Variants in FRMPD3 observed in about 807,000 individuals in gnomAD.
The protein encoded by FRMPD3 is FERM and PDZ domain containing 3, also known as FERM and PDZ domain-containing protein 3.
In FRMPD3, 42 loss-of-function variants were observed where a neutral mutation model predicts 97.9. That is an observed-to-expected ratio of 0.43 (90% CI 0.34 to 0.55). The LOEUF (loss-of-function observed/expected upper bound fraction) is 0.55. Ranked by LOEUF, FRMPD3 falls within the 20% of genes least tolerant of loss-of-function variation. The pLI, the probability that FRMPD3 is intolerant of heterozygous loss-of-function variation, is 0.03. For synonymous variants in FRMPD3, 577 were observed against 581.1 expected (o/e 0.99, Z 0.10); for missense variants, 1,303 against 1,457.7 (o/e 0.89, Z 1.73).
At position 107,460,821 on chromosome X, in the gene FRMPD3, C is replaced by T. The variant is rs12688495; in HGVS notation, c.-8+10816C>T. ...CAGGGCTGACAAGGGTCCTGTGTGC[C>T]GCACTGGCTCTGTTGCCACCACCGT... On this transcript the variant is annotated intron_variant, in intron 1 of 14. Transcript: ENST00000683843. 3.2e-3 allele frequency among the ~76,000 whole-genome samples: 353 copies of T among 111,272 alleles called. 10 individuals carry two copies. In the East Asian group the frequency reaches 0.084, roughly 26 times the overall value.
chrX:107,520,499 C>A (rs1357938113), intron 1 of FRMPD3, among the ~76,000 whole-genome samples: 9 of 105,142 alleles, frequency 8.6e-5, no homozygotes, highest in African/African-American at 7.1e-5. Context: ...AAAAAAAAAA[C>A]ACACACAAAA....
At chrX:107,595,054 T>G (rs1337908865) in intron 13 of FRMPD3, among the ~76,000 whole-genome samples, 2 of 111,055 alleles carry the variant, frequency 1.8e-5, no homozygotes, top group African/African-American at 6.6e-5. Flanking sequence ...CGGTTGCTCA[T>G]GCCTGTAATC....
At chrX:107,480,923 A>G (rs1006317964) in intron 1 of FRMPD3, among the ~76,000 whole-genome samples, 1 of 107,872 alleles carries the variant, frequency 9.3e-6, no homozygotes, top group Non-Finnish European at 1.9e-5. Context: ...AAAGAAAGAA[A>G]GAAAGAAAGA....
At position 107,550,061 on chromosome X, in the gene FRMPD3, A is replaced by G. The variant is rs1306063341; in HGVS notation, c.415A>G (p.Lys139Glu). The G allele has an allele frequency of 8.4e-7, 1 of 1,191,487 alleles. No individual in the cohort carries two copies. Among genetic ancestry groups the G allele is most frequent in the South Asian group, 1.8e-5 (1 of 55,538 alleles). ...VGETDAKMMK[K>E]EALLLIPNVL... ...TGCTTGTTCACAGAAAATGATGAAG[A>G]AGGAAGCTCTCCTCCTCATCCCTAA... Residue 139 changes from lysine (K) to glutamate (E), a missense_variant, in exon 6 of 15, where the codon AAG becomes GAG. Around this residue, in one of 3 missense-constraint regions of FRMPD3, gnomAD observed 535 missense variants for 618.6 expected, o/e 0.86. Transcript: ENST00000683843.
At chrX:107,496,927 G>A (rs73522807) in intron 1 of FRMPD3, among the ~76,000 whole-genome samples, 2,020 of 112,298 alleles carry the variant, frequency 0.018, 39 homozygotes, top group African/African-American at 0.062. Flanking sequence ...GAAACACAGG[G>A]TGGATTTACC....
At chrX:107,532,220 A>G (rs1923000045) in intron 3 of FRMPD3, among the ~76,000 whole-genome samples, 1 of 112,934 alleles carries the variant, frequency 8.9e-6, no homozygotes, top group Admixed American at 9.3e-5. Flanking sequence ...GCAAAATGCA[A>G]CTAAACAGTA....
chrX:107,572,598 T>C (rs1025510496), intron 12 of FRMPD3, among the ~76,000 whole-genome samples: 1 of 110,674 alleles, frequency 9.0e-6, no homozygotes, highest in Admixed American at 9.7e-5. Context: ...ATTAGTCAGA[T>C]GTGGTGGCAC....
At chrX:107,459,259 A>G (rs1602749840) in intron 1 of FRMPD3, among the ~76,000 whole-genome samples, 1 of 112,403 alleles carries the variant, frequency 8.9e-6, no homozygotes, top group Admixed American at 9.3e-5. Flanking sequence ...CAAGTCCCCC[A>G]AGGCTTCTGA....
intron 13 of FRMPD3, among the ~76,000 whole-genome samples, chrX:107,587,841 C>CTTGG (rs1923729459): frequency 8.9e-6 from 1 of 111,946 alleles, no homozygotes; most frequent in African/African-American, 3.2e-5. Context: ...GTGGCACAGT[C>CTTGG]TTGGCTCACT....
chrX:107,519,943 A>G (rs1311681487), intron 1 of FRMPD3, among the ~76,000 whole-genome samples: 1 of 111,916 alleles, frequency 8.9e-6, no homozygotes, highest in East Asian at 2.8e-4. Flanking sequence ...ACTTTCCAAG[A>G]ATAAATTGAG....
intron 8 of FRMPD3, among the ~76,000 whole-genome samples, chrX:107,556,947 T>A (rs1922108897): frequency 8.9e-6 from 1 of 112,313 alleles, no homozygotes; most frequent in Non-Finnish European, 1.9e-5. Flanking sequence ...CCAGTCTTCG[T>A]ATGGACATAT....
chrX:107,487,365 G>A (rs1468828421), intron 1 of FRMPD3, among the ~76,000 whole-genome samples: 1 of 111,903 alleles, frequency 8.9e-6, no homozygotes, highest in Admixed American at 9.5e-5. Context: ...AACATGGTGA[G>A]GCATAATGGG....
chrX:107,525,543 C>T, intron 1 of FRMPD3: 7 of 555,661 alleles, frequency 1.3e-5, no homozygotes, highest in East Asian at 3.3e-5. Flanking sequence ...TGTAATCTCT[C>T]CCTGGAGTTA....
At position 107,598,003 on chromosome X, in the gene FRMPD3, A is replaced by G. The variant is rs1348469606; in HGVS notation, c.2124A>G (p.Thr708=). 3.0e-5 allele frequency: 36 copies of G among 1,208,573 alleles called. No homozygotes were observed. The highest frequency in any genetic ancestry group is 4.0e-5 in the Non-Finnish European group (36 of 895,036). ...RGLLYDEIPV[T]LIDSVQTRTV... ...TTCTGTACGATGAGATTCCAGTGAC[A>G]TTGATTGACAGTGTGCAGACCCGGA... Residue 708 remains threonine, a synonymous_variant, in exon 14 of 15, where the codon ACA becomes ACG. Coordinates refer to ENST00000683843, the MANE Select transcript of FRMPD3 (RefSeq NM_001388459.1).
intron 14 of FRMPD3, among the ~76,000 whole-genome samples, chrX:107,599,132 G>A (rs1254963331): frequency 1.8e-5 from 2 of 110,414 alleles, no homozygotes; most frequent in African/African-American, 3.3e-5. Context: ...AATTAACTGG[G>A]TGGGCTGGTG....
chrX:107,454,861 G>GT (rs201506631), intron 1 of FRMPD3, among the ~76,000 whole-genome samples: 5,942 of 111,316 alleles, frequency 0.053, 399 homozygotes, highest in African/African-American at 0.19. Flanking sequence ...GAGGGAACTT[G>GT]TTATAATGCA....
intron 1 of FRMPD3, among the ~76,000 whole-genome samples, chrX:107,490,775 G>A (rs1048174086): frequency 8.9e-6 from 1 of 111,861 alleles, no homozygotes; most frequent in Non-Finnish European, 1.9e-5. Context: ...ATGGTAACGT[G>A]TGGAAAGGTG....
Position 107,575,455 on chromosome X carries a change from CT to C in FRMPD3, c.1297-846del, listed in dbSNP as rs771754378. On this transcript the variant is annotated intron_variant, in intron 12 of 14. Coordinates refer to ENST00000683843, the MANE Select transcript of FRMPD3 (RefSeq NM_001388459.1). ...AAAGGAAAGGGGATAGAGCATGACT[CT>C]TTTTTTTTTTTTTAGACGAAGTCTC... Among the ~76,000 whole-genome samples the C allele has an allele frequency of 4.5e-3, 456 of 101,004 alleles. 1 individual carries two copies. The highest frequency in any genetic ancestry group is 4.4e-3 in the Admixed American group (41 of 9,333). The allele number at this position is 101,004 out of a possible 115,157, so 87.7% of individuals were successfully genotyped here. A position where few individuals can be genotyped will look rare whatever the true frequency, so the allele number is the denominator to read the frequency against.
rs1233231905 is a variant in FRMPD3 at position 107,600,889 on chromosome X, T to C, written c.2850T>C (p.Ser950=). Reference sequence around the variant, plus strand: ...AGCTTATCCTCGACCCAAAGAGCAGTGTGACCCCTGCCATCATCTCGGCCG... The same window carrying C: ...AGCTTATCCTCGACCCAAAGAGCAGCGTGACCCCTGCCATCATCTCGGCCG... ...SPKLILDPKS[S]VTPAIISAAL... is the part of the protein sequence containing the mutation. Residue 950 remains serine, a synonymous_variant, in exon 15 of 15, where the codon AGT becomes AGC. Transcript: ENST00000683843. The C allele has an allele frequency of 5.8e-6, 7 of 1,207,568 alleles. No homozygotes were observed. The African/African-American group carries it at 7.0e-5, about 12-fold the overall frequency.
Sources: allele counts gnomAD v4.1 joint callset (sites outside exome capture counted in the v4.1 genomes callset), GRCh38; gene constraint gnomAD v4.1.1; regional missense constraint gnomAD v4.1.1; transcripts MANE v1.5; gene names NCBI Gene and HGNC (gene_info 2026-07-23, HGNC 2026-07-21).